The following RAB38 variants were observed in gnomAD, a reference collection of about 807,000 sequenced individuals.
RAB38 encodes the protein RAB38, member RAS oncogene family.
A neutral mutation model predicts 18.4 loss-of-function variants in RAB38; 15 were observed. That is an observed-to-expected ratio of 0.82 (90% CI 0.55 to 1.26). RAB38 has a LOEUF of 1.26. Ranked by LOEUF, RAB38 falls within the 50% of genes most tolerant of loss-of-function variation. The probability of loss-of-function intolerance (pLI) is 0.00; values close to 1 mark genes in which losing one functional copy is unlikely to be tolerated. For synonymous variants in RAB38, 101 were observed against 104.4 expected, an observed-to-expected ratio of 0.97 and a Z score of 0.20; for missense variants, 294 against 267.4, an observed-to-expected ratio of 1.10 and a Z score of -0.69.
At chr11:87,953,438 T>TCTAAGGTTTTAGCTACTTATATTTAA in the RAB38 span, among the ~76,000 whole-genome samples, 2 of 152,152 alleles carry the variant, frequency 1.3e-5, no homozygotes, top group African/African-American at 4.8e-5. Flanking sequence ...AGTTTCACTT[T>TCTAAGGTTTTAGCTACTTATATTTAA]CTAAGGTTTT....
the RAB38 span, among the ~76,000 whole-genome samples, chr11:88,048,526 C>T: frequency 6.6e-6 from 1 of 152,258 alleles, no homozygotes; most frequent in African/African-American, 2.4e-5. Flanking sequence ...TACCTCTTTC[C>T]CTTCTCATAA....
At chr11:87,897,060 C>T in the RAB38 span, among the ~76,000 whole-genome samples, 1 of 151,544 alleles carries the variant, frequency 6.6e-6, no homozygotes, top group Non-Finnish European at 1.5e-5. Flanking sequence ...GCTTAGAAGT[C>T]TACATTTTTT....
At chr11:88,075,169 G>A in the RAB38 span, among the ~76,000 whole-genome samples, 2 of 152,104 alleles carry the variant, frequency 1.3e-5, no homozygotes, top group Admixed American at 6.5e-5. Flanking sequence ...AGAAACATTG[G>A]AGTTAAACTA....
At chr11:88,069,454 G>A in the RAB38 span, among the ~76,000 whole-genome samples, 1 of 152,246 alleles carries the variant, frequency 6.6e-6, no homozygotes, top group Non-Finnish European at 1.5e-5. Flanking sequence ...TGACTGGCGG[G>A]CAGCTCCAAC....
At chr11:88,057,429 T>C in the RAB38 span, among the ~76,000 whole-genome samples, 1 of 152,086 alleles carries the variant, frequency 6.6e-6, no homozygotes, top group Non-Finnish European at 1.5e-5. Flanking sequence ...GAATAAATGC[T>C]TGATTTTCCT....
At chr11:87,831,393 A>G in the RAB38 span, among the ~76,000 whole-genome samples, 1 of 152,152 alleles carries the variant, frequency 6.6e-6, no homozygotes. Context: ...AATAGACTAA[A>G]TAAGTGCCAA....
chr11:87,843,168 A>G, the RAB38 span, among the ~76,000 whole-genome samples: 2 of 152,236 alleles, frequency 1.3e-5, no homozygotes, highest in Non-Finnish European at 2.9e-5. Flanking sequence ...TTTTGTTTGC[A>G]TCCGCTTATG....
the RAB38 span, among the ~76,000 whole-genome samples, chr11:88,038,397 T>C: frequency 6.6e-6 from 1 of 152,208 alleles, no homozygotes; most frequent in African/African-American, 2.4e-5. Context: ...AGGTAGATGG[T>C]ATATTTTTCT....
At chr11:88,101,505 C>T in the RAB38 span, among the ~76,000 whole-genome samples, 4 of 151,654 alleles carry the variant, frequency 2.6e-5, no homozygotes, top group African/African-American at 9.7e-5. Context: ...GAAAGATGTT[C>T]ATTACAAAGA....
At chr11:88,174,763 G>C (rs913434003) in intron 1 of RAB38, among the ~76,000 whole-genome samples, 7 of 152,220 alleles carry the variant, frequency 4.6e-5, no homozygotes, top group Admixed American at 2.6e-4. Flanking sequence ...AACTATCCCG[G>C]TTTCCTCTGT....
the RAB38 span, among the ~76,000 whole-genome samples, chr11:88,054,786 A>G: frequency 6.6e-6 from 1 of 152,228 alleles, no homozygotes; most frequent in Non-Finnish European, 1.5e-5. Context: ...AGGTTTCCCA[A>G]GAAAGGACAG....
chr11:87,913,377 G>A, the RAB38 span, among the ~76,000 whole-genome samples: 1 of 152,012 alleles, frequency 6.6e-6, no homozygotes, highest in African/African-American at 2.4e-5. Flanking sequence ...CTGGTATTTT[G>A]AAGTTCTGTT....
chr11:88,003,727 AATATATTGT>A, the RAB38 span, among the ~76,000 whole-genome samples: 68 of 6,746 alleles, frequency 0.01, 10 homozygotes, highest in African/African-American at 0.067. Context: ...TATAATATAT[AATATATTGT>A]ATATATTATA....
rs1432853374 is a variant in RAB38, at chr11:88,149,727, T to G, written c.431A>C (p.Asp144Ala). 1.2e-6 allele frequency: 2 copies of G among 1,614,040 alleles called. No homozygotes were observed. The highest frequency in any genetic ancestry group is 2.7e-5 in the African/African-American group (2 of 74,934). The change falls in exon 2 of 3, where the codon GAC becomes GCC. Residue 144 changes from aspartate (D) to alanine (A), a missense_variant. Asp to Ala is a moderately radical substitution (Grantham distance 126). Transcript: ENST00000243662. ...DVLMNNGLKM[D>A]QFCKEHGFVG... Reference sequence around the variant, plus strand: ...GAAACCGTGCTCCTTGCAGAACTGGTCCATCTTGAGGCCATTGTTCATGAG... The same window carrying G: ...GAAACCGTGCTCCTTGCAGAACTGGGCCATCTTGAGGCCATTGTTCATGAG...
chr11:88,028,827 T>G, the RAB38 span, among the ~76,000 whole-genome samples: 3 of 152,194 alleles, frequency 2.0e-5, no homozygotes, highest in African/African-American at 7.2e-5. Context: ...CCAGGAGAAC[T>G]TCCCCAATCT....
chr11:88,149,608 G>T, intron 2 of RAB38, 67 bp downstream of exon 2: 1 of 1,492,212 alleles, frequency 6.7e-7, no homozygotes, highest in Non-Finnish European at 9.1e-7. Flanking sequence ...TGATGATGGT[G>T]ATGATTATGT....
At chr11:87,826,629 C>T in the RAB38 span, among the ~76,000 whole-genome samples, 176 of 152,274 alleles carry the variant, frequency 1.2e-3, no homozygotes, top group African/African-American at 3.9e-3. Flanking sequence ...AACTGCTTTA[C>T]ATACATCATA....
the RAB38 span, among the ~76,000 whole-genome samples, chr11:87,851,558 G>A: frequency 6.6e-6 from 1 of 152,112 alleles, no homozygotes; most frequent in Non-Finnish European, 1.5e-5. Context: ...TTTTTCCCCA[G>A]CTATTACCCC....
chr11:87,960,388 G>GAAAAAAAAAAAAAAAAAAAAA, the RAB38 span, among the ~76,000 whole-genome samples: 1 of 142,124 alleles, frequency 7.0e-6, no homozygotes. Flanking sequence ...ACAAAAAAAA[G>GAAAAAAAAAAAAAAAAAAAAA]AAAAAAAGAG....
Sources: gnomAD v4.1 joint callset for allele counts (sites outside exome capture counted in the v4.1 genomes callset) on GRCh38, gnomAD v4.1.1 for gene constraint, MANE v1.5 for transcripts, NCBI Gene and HGNC (gene_info 2026-07-23, HGNC 2026-07-21) for gene names.